Variants in ST6GALNAC3 observed in about 807,000 individuals in gnomAD.
ST6GALNAC3 encodes ST6 N-acetylgalactosaminide alpha-2,6-sialyltransferase 3.
ST6GALNAC3 carries 25 observed loss-of-function variants against 32.7 expected under a neutral mutation model. The ratio of observed to expected loss-of-function variants is 0.76; its 90% CI spans 0.56 to 1.07. ST6GALNAC3 has a LOEUF of 1.07. Among genes scored for constraint, ST6GALNAC3 ranks in the 50% least tolerant of loss-of-function variants. The pLI is 0.00. For missense variants in ST6GALNAC3, 355 were observed against 382.4 expected (o/e 0.93, Z 0.60); for synonymous variants, 129 against 133.1 (o/e 0.97, Z 0.21).
At chr1:76,565,207 C>A (rs2100454697) in intron 3 of ST6GALNAC3, among the ~76,000 whole-genome samples, 1 of 152,238 alleles carries the variant, frequency 6.6e-6, no homozygotes, top group South Asian at 2.1e-4. Context: ...AGGACACACC[C>A]CTTTAAAGCT....
At chr1:76,589,145 C>A (rs1417815522) in intron 3 of ST6GALNAC3, among the ~76,000 whole-genome samples, 1 of 152,092 alleles carries the variant, frequency 6.6e-6, no homozygotes, top group Non-Finnish European at 1.5e-5. Flanking sequence ...AACAAAAATG[C>A]ATAAATAATG....
At chr1:76,528,239 A>G (rs1016746165) in intron 3 of ST6GALNAC3, among the ~76,000 whole-genome samples, 6 of 152,198 alleles carry the variant, frequency 3.9e-5, no homozygotes, top group African/African-American at 1.4e-4. Context: ...CACTGGGCTA[A>G]GCCTGTGAGT....
At chr1:76,395,272 C>T (rs543257516) in intron 2 of ST6GALNAC3, among the ~76,000 whole-genome samples, 21 of 152,200 alleles carry the variant, frequency 1.4e-4, no homozygotes, top group African/African-American at 4.6e-4. Context: ...TAGCCAGTTT[C>T]GAAAACAGGA....
At chr1:76,231,306 T>A (rs557503159) in intron 1 of ST6GALNAC3, among the ~76,000 whole-genome samples, 15 of 152,306 alleles carry the variant, frequency 9.8e-5, no homozygotes, top group East Asian at 5.8e-4. Context: ...GTTTGTTTTT[T>A]AAAATTTTTT....
intron 1 of ST6GALNAC3, chr1:76,309,900 A>G: frequency 2.2e-6 from 1 of 456,804 alleles, no homozygotes; most frequent in East Asian, 6.8e-5. Flanking sequence ...GTTGCCAGGG[A>G]GCAGGCTTTT....
At chr1:76,138,387 A>G (rs1045769907) in intron 1 of ST6GALNAC3, among the ~76,000 whole-genome samples, 21 of 152,242 alleles carry the variant, frequency 1.4e-4, no homozygotes, top group Admixed American at 9.8e-4. Flanking sequence ...GTTCTTCCTG[A>G]GGAAAATATT....
chr1:76,508,540 G>C (rs754050633), intron 3 of ST6GALNAC3, among the ~76,000 whole-genome samples: 1 of 152,084 alleles, frequency 6.6e-6, no homozygotes, highest in African/African-American at 2.4e-5. Flanking sequence ...TTTGAAGTTC[G>C]GCACCTGGGA....
chr1:76,485,056 A>G (rs1459180456), intron 3 of ST6GALNAC3, among the ~76,000 whole-genome samples: 3 of 152,196 alleles, frequency 2.0e-5, no homozygotes, highest in Non-Finnish European at 4.4e-5. Flanking sequence ...CCAGCCTTGC[A>G]TCCCAGGGAA....
At chr1:76,594,502 A>T (rs1211800588) in intron 3 of ST6GALNAC3, among the ~76,000 whole-genome samples, 1 of 152,204 alleles carries the variant, frequency 6.6e-6, no homozygotes, top group Non-Finnish European at 1.5e-5. Context: ...TAACAAATTT[A>T]ACTGTGTAAT....
chr1:76,220,070 A>G (rs575470381), intron 1 of ST6GALNAC3, among the ~76,000 whole-genome samples: 1 of 152,324 alleles, frequency 6.6e-6, no homozygotes, highest in Non-Finnish European at 1.5e-5. Context: ...AGAAATACTT[A>G]TTCCCTATTA....
At chr1:76,198,605 A>C (rs1204256574) in intron 1 of ST6GALNAC3, among the ~76,000 whole-genome samples, 1 of 152,156 alleles carries the variant, frequency 6.6e-6, no homozygotes, top group Non-Finnish European at 1.5e-5. Context: ...ATTGGACATG[A>C]ATGGTGGAGG....
intron 3 of ST6GALNAC3, among the ~76,000 whole-genome samples, chr1:76,466,662 C>T (rs1658651619): frequency 6.6e-6 from 1 of 152,024 alleles, no homozygotes; most frequent in Admixed American, 6.6e-5. Flanking sequence ...ATTCAGAAGG[C>T]TAAGATGTTC....
intron 2 of ST6GALNAC3, among the ~76,000 whole-genome samples, chr1:76,356,580 G>A (rs772488500): frequency 4.6e-5 from 7 of 152,120 alleles, no homozygotes; most frequent in Non-Finnish European, 1.0e-4. Flanking sequence ...ATGAAAGGCT[G>A]CAGTGAGACC....
intron 2 of ST6GALNAC3, among the ~76,000 whole-genome samples, chr1:76,361,319 C>A (rs1649916458): frequency 6.6e-6 from 1 of 152,002 alleles, no homozygotes; most frequent in South Asian, 2.1e-4. Context: ...CTGCATGGAA[C>A]CATGCAGTAC....
intron 1 of ST6GALNAC3, among the ~76,000 whole-genome samples, chr1:76,224,594 C>A (rs888291609): frequency 6.6e-6 from 1 of 152,166 alleles, no homozygotes; most frequent in East Asian, 1.9e-4. Flanking sequence ...TTCTTCAACA[C>A]AGAGTATAAC....
At chr1:76,627,362 A>T in intron 3 of ST6GALNAC3, 90 bp from the exon 4 acceptor site, 1 of 818,686 alleles carries the variant, frequency 1.2e-6, no homozygotes, top group Admixed American at 2.1e-5. Context: ...TTTTTGATGA[A>T]ATGTTGCTCG....
At chr1:76,193,886 ATCTGGTG>A (rs1407026532) in intron 1 of ST6GALNAC3, among the ~76,000 whole-genome samples, 1 of 152,210 alleles carries the variant, frequency 6.6e-6, no homozygotes, top group Non-Finnish European at 1.5e-5. Flanking sequence ...TGAACAGGTT[ATCTGGTG>A]TCTCTTCTTA....
rs539127259 is a variant in ST6GALNAC3 at position 76,187,783 on chromosome 1, G to T, written c.18+112899G>T. Among the ~76,000 whole-genome samples, 3 of 152,126 alleles carry T rather than the reference G, an allele frequency of 2.0e-5. No homozygotes were observed. The East Asian group carries it at 5.8e-4, about 29-fold the overall frequency. On this transcript the variant is annotated intron_variant, in intron 1 of 4. Transcript: ENST00000328299. ...CAAACACACACAACCTCAGAAAACC[G>T]TGGTGAGCAGCCCTGTGTCTACAGA...
At chr1:76,259,481 T>A (rs1350998838) in intron 1 of ST6GALNAC3, among the ~76,000 whole-genome samples, 1 of 152,172 alleles carries the variant, frequency 6.6e-6, no homozygotes, top group Admixed American at 6.6e-5. Context: ...TGGCACCCAG[T>A]CAATGTGCAA....
Sources: allele counts gnomAD v4.1 joint callset (sites outside exome capture counted in the v4.1 genomes callset), GRCh38; gene constraint gnomAD v4.1.1; transcripts MANE v1.5; gene names NCBI Gene and HGNC (gene_info 2026-07-23, HGNC 2026-07-21).